The following ENTREP2 variants were observed in gnomAD, a reference collection of about 807,000 sequenced individuals.
ENTREP2 encodes the protein endosomal transmembrane epsin interactor 2.
chr15:29,470,325 G>A, the ENTREP2 span, among the ~76,000 whole-genome samples: 1 of 152,172 alleles, frequency 6.6e-6, no homozygotes, highest in African/African-American at 2.4e-5. Context: ...AAGCCCACAG[G>A]TCCTGGGCCC....
chr15:29,567,047 A>G, the ENTREP2 span, among the ~76,000 whole-genome samples: 1 of 152,190 alleles, frequency 6.6e-6, no homozygotes, highest in African/African-American at 2.4e-5. Flanking sequence ...CAGCTCTCTT[A>G]GTCTTCTAAA....
the ENTREP2 span, among the ~76,000 whole-genome samples, chr15:29,263,020 G>GT: frequency 7.9e-5 from 12 of 152,128 alleles, no homozygotes; most frequent in Non-Finnish European, 1.6e-4. Context: ...AAGTTTGAGA[G>GT]TTTTTTCTCT....
chr15:29,289,911 T>C, the ENTREP2 span, among the ~76,000 whole-genome samples: 1 of 152,062 alleles, frequency 6.6e-6, no homozygotes, highest in Non-Finnish European at 1.5e-5. Flanking sequence ...AGTCACCAAA[T>C]TGAAATAATC....
At chr15:29,278,465 G>A in the ENTREP2 span, among the ~76,000 whole-genome samples, 1 of 152,210 alleles carries the variant, frequency 6.6e-6, no homozygotes, top group Non-Finnish European at 1.5e-5. Context: ...TTTGGGAGAG[G>A]CAGGCTAACT....
chr15:29,631,742 A>T, the ENTREP2 span, among the ~76,000 whole-genome samples: 3 of 151,706 alleles, frequency 2.0e-5, no homozygotes, highest in Admixed American at 6.6e-5. Context: ...AGAAGTCCAG[A>T]CTCCCCACTC....
At chr15:29,204,167 T>G in the ENTREP2 span, among the ~76,000 whole-genome samples, 1 of 152,044 alleles carries the variant, frequency 6.6e-6, no homozygotes, top group African/African-American at 2.4e-5. Context: ...AGTGTTCGGG[T>G]CATTGGGAAC....
At chr15:29,239,720 A>G in the ENTREP2 span, among the ~76,000 whole-genome samples, 1 of 152,220 alleles carries the variant, frequency 6.6e-6, no homozygotes, top group Admixed American at 6.5e-5. Context: ...ATGGGTAAGC[A>G]CAACAGAAAT....
chr15:29,520,951 G>T, the ENTREP2 span, among the ~76,000 whole-genome samples: 1 of 152,128 alleles, frequency 6.6e-6, no homozygotes, highest in Admixed American at 6.6e-5. Flanking sequence ...GTATTCATAG[G>T]GCAGAGGACT....
chr15:29,348,631 G>C, the ENTREP2 span, among the ~76,000 whole-genome samples: 23,228 of 152,182 alleles, frequency 0.15, 3,491 homozygotes, highest in African/African-American at 0.39. Flanking sequence ...GTTCGCAAAA[G>C]TAGCTCTGAA....
chr15:29,385,008 A>G, the ENTREP2 span, among the ~76,000 whole-genome samples: 4 of 152,274 alleles, frequency 2.6e-5, no homozygotes, highest in Middle Eastern at 3.4e-3. Context: ...CCGTTCTTCA[A>G]CCATGGCCCC....
chr15:29,409,517 G>T, the ENTREP2 span, among the ~76,000 whole-genome samples: 3 of 151,914 alleles, frequency 2.0e-5, no homozygotes, highest in South Asian at 2.1e-4. Context: ...GTAGAGACAG[G>T]TTTCACCATG....
chr15:29,514,245 C>G, the ENTREP2 span, among the ~76,000 whole-genome samples: 1 of 152,206 alleles, frequency 6.6e-6, no homozygotes, highest in East Asian at 1.9e-4. Context: ...CTCCCTCCAG[C>G]CCCCGGCAAC....
chr15:29,648,900 T>A, the ENTREP2 span, among the ~76,000 whole-genome samples: 2 of 151,756 alleles, frequency 1.3e-5, no homozygotes, highest in African/African-American at 4.8e-5. Context: ...GACTGTGCCA[T>A]TGTACTCCAG....
the ENTREP2 span, among the ~76,000 whole-genome samples, chr15:29,414,982 A>T: frequency 3.9e-5 from 6 of 152,170 alleles, no homozygotes; most frequent in African/African-American, 1.2e-4. Flanking sequence ...ACAAATAATA[A>T]CAGGCTCTGA....
the ENTREP2 span, among the ~76,000 whole-genome samples, chr15:29,264,149 C>T: frequency 1.1e-3 from 5 of 4,706 alleles, 1 homozygote; most frequent in African/African-American, 7.2e-3. Context: ...AGCGAGACTC[C>T]GTCTCAAAAA....
At chr15:29,478,015 ATATATTTTT>A in the ENTREP2 span, among the ~76,000 whole-genome samples, 178 of 62,330 alleles carry the variant, frequency 2.9e-3, 1 homozygote, top group African/African-American at 0.017. Context: ...ATATATATAT[ATATATTTTT>A]TTTTTTTTTT....
At chr15:29,449,784 G>A in the ENTREP2 span, among the ~76,000 whole-genome samples, 4 of 152,182 alleles carry the variant, frequency 2.6e-5, no homozygotes, top group South Asian at 4.1e-4. Flanking sequence ...CAAACATTTT[G>A]TAGAGTACTA....
At chr15:29,395,250 C>T in the ENTREP2 span, among the ~76,000 whole-genome samples, 3 of 151,830 alleles carry the variant, frequency 2.0e-5, no homozygotes, top group Non-Finnish European at 4.4e-5. Flanking sequence ...TTGAGCCACT[C>T]GTCTACAGAT....
At chr15:29,304,903 T>C in the ENTREP2 span, among the ~76,000 whole-genome samples, 1 of 152,202 alleles carries the variant, frequency 6.6e-6, no homozygotes, top group Non-Finnish European at 1.5e-5. Flanking sequence ...CTCCCTCACT[T>C]GGCTCAAGAG....
Sources: allele counts gnomAD v4.1 joint callset (sites outside exome capture counted in the v4.1 genomes callset), GRCh38; gene constraint gnomAD v4.1.1; transcripts MANE v1.5; gene names NCBI Gene and HGNC (gene_info 2026-07-23, HGNC 2026-07-21).